AFF3: variants seen among roughly 807,000 people sequenced by gnomAD.
The protein encoded by AFF3 is ALF transcription elongation factor 3, also known as AF4/FMR2 family member 3.
AFF3 carries 32 observed loss-of-function variants against 129.7 expected under a neutral mutation model. That is an observed-to-expected ratio of 0.25 (90% CI 0.19 to 0.33). AFF3 has a LOEUF of 0.33. AFF3 is among the 10% of genes least tolerant of loss of function. AFF3 has a pLI of 1.00. For synonymous variants in AFF3, 644 were observed against 635.4 expected (o/e 1.01, Z -0.20); for missense variants, 1,373 against 1,592.0 (o/e 0.86, Z 2.34).
intron 8 of AFF3, among the ~76,000 whole-genome samples, chr2:99,782,201 T>C (rs1684468161): frequency 6.6e-6 from 1 of 152,222 alleles, no homozygotes; most frequent in Non-Finnish European, 1.5e-5. Flanking sequence ...CACATTGTAA[T>C]AACTGTTAAC....
chr2:99,778,831 AT>A (rs1375825194), intron 8 of AFF3, among the ~76,000 whole-genome samples: 2 of 151,196 alleles, frequency 1.3e-5, no homozygotes, highest in Admixed American at 1.3e-4. Context: ...TTGATCTTAT[AT>A]TCTGCAACTT....
chr2:99,669,626 A>C (rs1686975664), intron 12 of AFF3, among the ~76,000 whole-genome samples: 1 of 152,212 alleles, frequency 6.6e-6, no homozygotes, highest in Admixed American at 6.5e-5. Flanking sequence ...GATATTGGTT[A>C]TGTCATACAC....
chr2:99,874,479 TAGTCAAC>T (rs1692135083), intron 7 of AFF3, among the ~76,000 whole-genome samples: 1 of 152,210 alleles, frequency 6.6e-6, no homozygotes. Context: ...TCTGTCCCTT[TAGTCAAC>T]GAGACAGGGA....
At chr2:99,855,185 A>C (rs879779415) in intron 7 of AFF3, among the ~76,000 whole-genome samples, 31 of 152,216 alleles carry the variant, frequency 2.0e-4, no homozygotes, top group Non-Finnish European at 2.9e-5. Context: ...AAAAATGAAG[A>C]TATAAAGGGT....
At chr2:100,003,435 C>G (rs1681620738) in intron 7 of AFF3, among the ~76,000 whole-genome samples, 1 of 152,204 alleles carries the variant, frequency 6.6e-6, no homozygotes, top group Non-Finnish European at 1.5e-5. Context: ...TCTCACCCAA[C>G]CATAGACAGC....
At chr2:99,665,888 C>T (rs532278371) in intron 12 of AFF3, among the ~76,000 whole-genome samples, 1 of 152,290 alleles carries the variant, frequency 6.6e-6, no homozygotes, top group African/African-American at 2.4e-5. Context: ...GTGTTCAATG[C>T]TGTAAGTCTT....
intron 7 of AFF3, among the ~76,000 whole-genome samples, chr2:99,945,050 G>T (rs1485263358): frequency 6.6e-6 from 1 of 152,292 alleles, no homozygotes; most frequent in South Asian, 2.1e-4. Flanking sequence ...ACAAAGGCAT[G>T]ACCTGCATCC....
rs865820179 is a variant in AFF3, at chr2:99,791,429, G to A, written c.922-39128C>T. On this transcript the variant is annotated intron_variant, in intron 8 of 24. Transcript: ENST00000672756. ...AGATACTTGCTTTATTGCACTGTTC[G>A]GGGAATAATGACAAGAAAGATAGTC... Among the ~76,000 whole-genome samples the A allele has an allele frequency of 4.6e-5, 7 of 152,154 alleles. 1 individual carries two copies. Among genetic ancestry groups the A allele is most frequent in the Admixed American group, 2.0e-4 (3 of 15,290 alleles).
intron 12 of AFF3, among the ~76,000 whole-genome samples, chr2:99,657,911 G>A (rs1449675880): frequency 2.0e-5 from 3 of 152,188 alleles, no homozygotes; most frequent in Middle Eastern, 3.2e-3. Flanking sequence ...AGATTGTCAG[G>A]GACGGCTCTA....
intron 12 of AFF3, among the ~76,000 whole-genome samples, chr2:99,667,979 AC>A (rs1378083672): frequency 1.3e-5 from 2 of 151,764 alleles, no homozygotes; most frequent in Non-Finnish European, 2.9e-5. Flanking sequence ...ACACAGTGAA[AC>A]CCCGTCTCTA....
chr2:99,640,261 T>C (rs1448756025), intron 13 of AFF3, among the ~76,000 whole-genome samples: 1 of 152,176 alleles, frequency 6.6e-6, no homozygotes. Context: ...ATTAAACCCA[T>C]ACTCTGTTAT....
chr2:99,936,312 C>A (rs1027916946), intron 7 of AFF3, among the ~76,000 whole-genome samples: 1 of 152,168 alleles, frequency 6.6e-6, no homozygotes, highest in Non-Finnish European at 1.5e-5. Flanking sequence ...CCCAGGAAAT[C>A]TGAAGGATCA....
intron 2 of AFF3, chr2:100,105,811 G>T (rs1468303051): frequency 7.4e-7 from 1 of 1,349,928 alleles, no homozygotes; most frequent in Admixed American, 2.2e-5. Context: ...TCTCACCAGG[G>T]ATTCCCCAGA....
intron 13 of AFF3, among the ~76,000 whole-genome samples, chr2:99,648,509 C>A (rs189323784): frequency 6.6e-6 from 1 of 152,260 alleles, no homozygotes; most frequent in East Asian, 1.9e-4. Flanking sequence ...TCCAGAAGAT[C>A]ATGTGCCAGC....
At chr2:99,649,797 G>C in intron 12 of AFF3, 131 bp from the exon 13 acceptor site, 1 of 888,772 alleles carries the variant, frequency 1.1e-6, no homozygotes, top group South Asian at 1.5e-5. Flanking sequence ...TAAACGACTA[G>C]CAATGAAGTA....
intron 2 of AFF3, among the ~76,000 whole-genome samples, chr2:100,125,813 C>T (rs2105571199): frequency 6.6e-6 from 1 of 152,150 alleles, no homozygotes; most frequent in Non-Finnish European, 1.5e-5. Context: ...ACAGATCCAG[C>T]TGGCTGGAGC....
chr2:100,050,844 C>G (rs534845117), intron 4 of AFF3, among the ~76,000 whole-genome samples: 2 of 152,294 alleles, frequency 1.3e-5, no homozygotes, highest in African/African-American at 4.8e-5. Context: ...GGAGCTGATG[C>G]TGACAACCTC....
intron 2 of AFF3, among the ~76,000 whole-genome samples, chr2:100,119,308 T>C (rs1691858509): frequency 6.6e-6 from 1 of 152,212 alleles, no homozygotes; most frequent in Non-Finnish European, 1.5e-5. Flanking sequence ...ACAGCCCTAC[T>C]TTAAGCCACT....
chr2:100,104,486 ACCG>A lies in AFF3; in HGVS notation c.-35_-33del, dbSNP rs773960386. 2.2e-5 allele frequency: 29 copies of A among 1,300,428 alleles called. No individual in the cohort carries two copies. The highest frequency in any genetic ancestry group is 8.3e-5 in the South Asian group (6 of 71,932). The allele number at this position is 1,300,428 out of a possible 1,614,324, so 80.6% of individuals were successfully genotyped here. ...AGGTGTCAGCGTCGCCGCCGCCGCTACCGCCGCCGCCGAGGCTCGGGCCGCCCG... is the reference window on the plus strand; with the variant it reads ...AGGTGTCAGCGTCGCCGCCGCCGCTACCGCCGCCGAGGCTCGGGCCGCCCG... On this transcript the variant is annotated 5_prime_UTR_variant, in exon 4 of 25. Transcript: ENST00000672756.
Sources: gnomAD v4.1 joint callset for allele counts (sites outside exome capture counted in the v4.1 genomes callset) on GRCh38, gnomAD v4.1.1 for gene constraint, MANE v1.5 for transcripts, NCBI Gene and HGNC (gene_info 2026-07-23, HGNC 2026-07-21) for gene names.